Variants in MCTP1 observed in about 807,000 individuals in gnomAD.
MCTP1 encodes multiple C2 and transmembrane domain containing 1, also known as multiple C2 and transmembrane domain-containing protein 1.
Under a neutral mutation model 120.6 loss-of-function variants are expected in MCTP1, and 69 were observed. The observed-to-expected ratio is 0.57, with a 90% confidence interval of 0.47 to 0.70. MCTP1 has a LOEUF of 0.70. Among genes scored for constraint, MCTP1 ranks in the 30% least tolerant of loss-of-function variants. The probability of loss-of-function intolerance (pLI) is 0.00; values close to 1 mark genes in which losing one functional copy is unlikely to be tolerated. For synonymous variants in MCTP1, 529 were observed against 493.1 expected (o/e 1.07, Z -0.96); for missense variants, 1,203 against 1,248.8 (o/e 0.96, Z 0.55).
chr5:95,217,352 A>C (rs1014414671), intron 1 of MCTP1, among the ~76,000 whole-genome samples: 7 of 152,202 alleles, frequency 4.6e-5, no homozygotes, highest in Admixed American at 3.3e-4. Context: ...GGGTAATGGG[A>C]GAGATACAAC....
intron 2 of MCTP1, among the ~76,000 whole-genome samples, chr5:95,004,467 C>A (rs775568573): frequency 6.6e-6 from 1 of 152,182 alleles, no homozygotes; most frequent in Non-Finnish European, 1.5e-5. Flanking sequence ...GCATTTCAGA[C>A]GTCTTTGTGG....
chr5:95,078,141 T>C (rs2152301107), intron 1 of MCTP1, among the ~76,000 whole-genome samples: 1 of 152,140 alleles, frequency 6.6e-6, no homozygotes, highest in East Asian at 1.9e-4. Context: ...GTGGAGTCTC[T>C]GGGGAAAGCA....
intron 19 of MCTP1, among the ~76,000 whole-genome samples, chr5:94,775,670 C>T (rs368553162): frequency 1.3e-5 from 2 of 152,062 alleles, no homozygotes; most frequent in South Asian, 2.1e-4. Context: ...CACGGCTTAA[C>T]ATAGTGCTAC....
chr5:94,709,676 A>G (rs1756084165), intron 21 of MCTP1: 1 of 152,154 alleles, frequency 6.6e-6, no homozygotes, highest in South Asian at 2.1e-4. Context: ...CATAGTGGAA[A>G]TTATTCTTCC....
At chr5:94,856,795 AAG>A (rs1342833682) in intron 17 of MCTP1, among the ~76,000 whole-genome samples, 2 of 151,766 alleles carry the variant, frequency 1.3e-5, no homozygotes, top group Non-Finnish European at 2.9e-5. Flanking sequence ...AAGTAAGAGC[AAG>A]AGAGAGACTA....
At chr5:94,737,484 G>A (rs1764543082) in intron 19 of MCTP1, among the ~76,000 whole-genome samples, 1 of 152,158 alleles carries the variant, frequency 6.6e-6, no homozygotes, top group South Asian at 2.1e-4. Context: ...AAATAGGGAT[G>A]TTTCTTGAGT....
intron 1 of MCTP1, among the ~76,000 whole-genome samples, chr5:95,267,061 C>T (rs1356138590): frequency 6.6e-6 from 1 of 152,098 alleles, no homozygotes; most frequent in Non-Finnish European, 1.5e-5. Flanking sequence ...TGAATATTGG[C>T]TATACATGGA....
At chr5:94,990,384 A>C (rs1486598795) in intron 2 of MCTP1, among the ~76,000 whole-genome samples, 1 of 152,186 alleles carries the variant, frequency 6.6e-6, no homozygotes, top group Non-Finnish European at 1.5e-5. Flanking sequence ...GGACCCTGGG[A>C]TCTTGGCCCA....
chr5:94,710,867 G>C lies in MCTP1; in HGVS notation c.2781C>G (p.Phe927Leu), dbSNP rs759171304. 9 of 1,613,028 alleles carry C rather than the reference G, an allele frequency of 5.6e-6. No homozygotes were observed. In the Admixed American group the frequency reaches 1.3e-4, roughly 24 times the overall value. ...SWLAIVALCV[F>L]TAILYCIPLR... ...GCGGAATGCAGTACAGGATGGCTGT[G>C]AACACACAGAGGGCTACAATGGCCA... Residue 927 changes from phenylalanine to leucine, a missense_variant, in exon 21 of 23, where the codon TTC (phenylalanine) becomes TTG (leucine). This residue lies in a region of MCTP1 where 740 missense variants were observed against 871.1 expected (regional missense o/e 0.85). Coordinates refer to ENST00000515393, the MANE Select transcript of MCTP1 (RefSeq NM_024717.7).
intron 20 of MCTP1, among the ~76,000 whole-genome samples, chr5:94,712,024 T>C (rs1757217131): frequency 6.6e-6 from 1 of 152,132 alleles, no homozygotes; most frequent in Admixed American, 6.6e-5. Flanking sequence ...TTGAAATTTC[T>C]CCTAAGTGTT....
At chr5:95,021,754 T>C (rs1838232142) in intron 1 of MCTP1, among the ~76,000 whole-genome samples, 1 of 152,136 alleles carries the variant, frequency 6.6e-6, no homozygotes, top group African/African-American at 2.4e-5. Flanking sequence ...TATTTTCTAA[T>C]ACTTCAATTA....
At position 95,263,722 on chromosome 5, in the gene MCTP1, C is replaced by G. The variant is rs1344976561; in HGVS notation, c.720+20134G>C. On this transcript the variant is annotated intron_variant, in intron 1 of 22. Transcript: ENST00000515393. ...AATAAAGAATGTGTATTGAGCATTGCCATGTGCCAGGAACTTTCATTGTAC... is the reference window on the plus strand; with the variant it reads ...AATAAAGAATGTGTATTGAGCATTGGCATGTGCCAGGAACTTTCATTGTAC... 2.0e-5 allele frequency among the ~76,000 whole-genome samples: 3 copies of G among 152,152 alleles called. No homozygotes were observed. In the East Asian group the frequency reaches 5.8e-4, roughly 29 times the overall value.
intron 4 of MCTP1, among the ~76,000 whole-genome samples, chr5:94,940,573 TATACATATATATGTATATATATATACAC>T (rs879429638): frequency 0.092 from 13,261 of 143,958 alleles, 801 homozygotes; most frequent in African/African-American, 0.17. Context: ...AATATATATA[TATACATATATATGTATATATATATACAC>T]ATATACATAT....
intron 17 of MCTP1, among the ~76,000 whole-genome samples, chr5:94,824,344 G>A (rs569022606): frequency 4.6e-5 from 7 of 152,268 alleles, no homozygotes; most frequent in Admixed American, 2.6e-4. Flanking sequence ...GATGGATTAC[G>A]TTTATTGATC....
At chr5:94,942,513 T>C in intron 3 of MCTP1, 86 bp from the exon 4 acceptor site, 1 of 898,138 alleles carries the variant, frequency 1.1e-6, no homozygotes, top group Non-Finnish European at 1.7e-6. Context: ...AAATGTTGGT[T>C]GTCTATGTCA....
intron 1 of MCTP1, among the ~76,000 whole-genome samples, chr5:95,029,827 T>TA (rs1839960877): frequency 6.6e-6 from 1 of 152,186 alleles, no homozygotes; most frequent in Admixed American, 6.5e-5. Flanking sequence ...CCATACTGAT[T>TA]GTACACTTGT....
At chr5:95,160,047 T>C (rs1341884866) in intron 1 of MCTP1, among the ~76,000 whole-genome samples, 1 of 151,982 alleles carries the variant, frequency 6.6e-6, no homozygotes, top group East Asian at 1.9e-4. Flanking sequence ...GGAGAAGAAG[T>C]TGGAAAAGTA....
chr5:94,902,275 G>A (rs1297219294), intron 10 of MCTP1, among the ~76,000 whole-genome samples: 1 of 152,126 alleles, frequency 6.6e-6, no homozygotes, highest in Non-Finnish European at 1.5e-5. Context: ...TGAGCTCTAT[G>A]TCAGCCACGA....
intron 1 of MCTP1, among the ~76,000 whole-genome samples, chr5:95,099,224 T>G (rs975067039): frequency 9.9e-5 from 15 of 152,236 alleles, no homozygotes; most frequent in Non-Finnish European, 7.3e-5. Context: ...AAGGACTTCA[T>G]GTCTAAAACA....
Sources: allele counts gnomAD v4.1 joint callset (sites outside exome capture counted in the v4.1 genomes callset), GRCh38; gene constraint gnomAD v4.1.1; regional missense constraint gnomAD v4.1.1; transcripts MANE v1.5; gene names NCBI Gene and HGNC (gene_info 2026-07-23, HGNC 2026-07-21).